CFAP77: variants seen among roughly 807,000 people sequenced by gnomAD.
CFAP77 encodes cilia and flagella associated protein 77.
A neutral mutation model predicts 31.1 loss-of-function variants in CFAP77; 25 were observed. The ratio of observed to expected loss-of-function variants is 0.80; its 90% CI spans 0.59 to 1.12. The LOEUF (loss-of-function observed/expected upper bound fraction) is 1.12. CFAP77 is among the 50% of genes most tolerant of loss of function. The pLI is 0.00. For synonymous variants in CFAP77, 151 were observed against 159.9 expected (o/e 0.94, Z 0.42); for missense variants, 377 against 397.3 (o/e 0.95, Z 0.44).
chr9:132,458,469 C>T (rs1444944189), intron 1 of CFAP77, among the ~76,000 whole-genome samples: 1 of 152,150 alleles, frequency 6.6e-6, no homozygotes, highest in Non-Finnish European at 1.5e-5. Flanking sequence ...TTCATCTTGC[C>T]TGTGTGGGCT....
At chr9:132,435,002 A>C (rs1048651866) in intron 1 of CFAP77, among the ~76,000 whole-genome samples, 1 of 152,228 alleles carries the variant, frequency 6.6e-6, no homozygotes, top group Non-Finnish European at 1.5e-5. Flanking sequence ...TTACGCTTGA[A>C]TTATACTTGA....
In CFAP77 at chr9:132,513,929, C is replaced by T. The variant is rs1230737837; in HGVS notation, c.524+14329C>T. Among the ~76,000 whole-genome samples the T allele has an allele frequency of 3.2e-5, 4 of 123,850 alleles. 1 individual carries two copies. The highest frequency in any genetic ancestry group is 1.2e-4 in the African/African-American group (4 of 32,470). The allele number at this position is 123,850 out of a possible 152,430, so 81.3% of individuals were successfully genotyped here. Reference sequence around the variant, plus strand: ...GGTGACTGTGAGGAGATGACCCTTCCCCTGTACCCCTGACCACAGATGACA... The same window carrying T: ...GGTGACTGTGAGGAGATGACCCTTCTCCTGTACCCCTGACCACAGATGACA... On this transcript the variant is annotated intron_variant, in intron 3 of 5. Coordinates refer to ENST00000393216, the MANE Select transcript of CFAP77 (RefSeq NM_001282957.2).
At chr9:132,513,446 C>T (rs752306745) in intron 3 of CFAP77, 36 of 1,383,558 alleles carry the variant, frequency 2.6e-5, no homozygotes, top group Non-Finnish European at 3.3e-5. Context: ...CTCAGCCCCT[C>T]CCCGTCTTCC....
intron 1 of CFAP77, among the ~76,000 whole-genome samples, chr9:132,486,649 C>T (rs1281592311): frequency 6.6e-6 from 1 of 152,256 alleles, no homozygotes; most frequent in Non-Finnish European, 1.5e-5. Context: ...CCCTCATTCC[C>T]CTAAACATGC....
intron 4 of CFAP77, among the ~76,000 whole-genome samples, chr9:132,542,237 C>A (rs1167509411): frequency 6.6e-6 from 1 of 152,240 alleles, no homozygotes; most frequent in Non-Finnish European, 1.5e-5. Flanking sequence ...CAAACCAGGG[C>A]CTCCAGCCCA....
intron 1 of CFAP77, among the ~76,000 whole-genome samples, chr9:132,419,545 T>C (rs1258682659): frequency 6.6e-6 from 1 of 152,238 alleles, no homozygotes; most frequent in Non-Finnish European, 1.5e-5. Context: ...GGCAGCTTTA[T>C]TAGTTAATTT....
chr9:132,572,009 G>A (rs940051418), intron 5 of CFAP77, among the ~76,000 whole-genome samples: 5 of 152,090 alleles, frequency 3.3e-5, no homozygotes, highest in African/African-American at 9.7e-5. Flanking sequence ...GCAAGGGAGT[G>A]CAGACAGGGT....
intron 3 of CFAP77, among the ~76,000 whole-genome samples, chr9:132,515,002 C>T (rs4962185): frequency 0.57 from 87,005 of 151,962 alleles, 25,540 homozygotes; most frequent in East Asian, 0.78. Flanking sequence ...ACAGAAGTGC[C>T]GGGGGCCAGC....
rs1182122185 is a variant in CFAP77 at position 132,543,026 on chromosome 9, G to C, written c.711G>C (p.Trp237Cys). 1.9e-6 allele frequency: 3 copies of C among 1,613,974 alleles called. No homozygotes were observed. The African/African-American group carries it at 4.0e-5, about 22-fold the overall frequency. Reference sequence around the variant, plus strand: ...CGCCCGTGAAGCTGGACACCCTCTGGCACATGCCTCACTTCCAGAAGGTCA... The same window carrying C: ...CGCCCGTGAAGCTGGACACCCTCTGCCACATGCCTCACTTCCAGAAGGTCA... ...YKPPVKLDTL[W>C]HMPHFQKVGR... Residue 237 changes from tryptophan to cysteine, a missense_variant, in exon 5 of 6, where the codon TGG (tryptophan) becomes TGC (cysteine). Trp to Cys is a radical substitution (Grantham distance 215). Transcript: ENST00000393216.
rs1449011029 is a variant in CFAP77 at position 132,455,084 on chromosome 9, C to G, written c.196-43611C>G. Among the ~76,000 whole-genome samples, 1 of 152,208 alleles carries G rather than the reference C, an allele frequency of 6.6e-6. No individual in the cohort carries two copies. The highest frequency in any genetic ancestry group is 1.5e-5 in the Non-Finnish European group (1 of 68,044). ...AGTCCATGGGAAGGCCCAGTGATATCTTGTGAAGTTTGTTCTACTCGCAGA... is the reference window on the plus strand; with the variant it reads ...AGTCCATGGGAAGGCCCAGTGATATGTTGTGAAGTTTGTTCTACTCGCAGA... On this transcript the variant is annotated intron_variant, in intron 1 of 5. Coordinates refer to ENST00000393216, the MANE Select transcript of CFAP77 (RefSeq NM_001282957.2). This position sits in a 1 kb window ranked among gnomAD's most constrained non-coding sequence, Gnocchi z 4.1.
At chr9:132,536,756 G>A (rs1485905179) in intron 3 of CFAP77, among the ~76,000 whole-genome samples, 1 of 152,166 alleles carries the variant, frequency 6.6e-6, no homozygotes, top group East Asian at 1.9e-4. Context: ...CTCTCAACCT[G>A]TTTAGAGATT....
chr9:132,561,996 C>T (rs1589927548), intron 5 of CFAP77, among the ~76,000 whole-genome samples: 1 of 152,362 alleles, frequency 6.6e-6, no homozygotes, highest in East Asian at 1.9e-4. Context: ...GATATTTTCT[C>T]AGGCATGGAG....
rs192862542 is a variant in CFAP77, at chr9:132,562,633, C to G, written c.733-9755C>G. ...TAAAAATGTTCTACATCCACCTGTCCACTGCAGTAGCCACTGGCCACTCAG... is the reference window on the plus strand; with the variant it reads ...TAAAAATGTTCTACATCCACCTGTCGACTGCAGTAGCCACTGGCCACTCAG... On this transcript the variant is annotated intron_variant, in intron 5 of 5. Coordinates refer to ENST00000393216, the MANE Select transcript of CFAP77 (RefSeq NM_001282957.2). Among the ~76,000 whole-genome samples, 365 of 152,248 alleles carry G rather than the reference C, an allele frequency of 2.4e-3. 1 individual carries two copies. Among genetic ancestry groups the G allele is most frequent in the African/African-American group, 7.8e-3 (326 of 41,550 alleles).
chr9:132,491,019 G>A (rs1260254488), intron 1 of CFAP77, among the ~76,000 whole-genome samples: 1 of 152,142 alleles, frequency 6.6e-6, no homozygotes, highest in African/African-American at 2.4e-5. Context: ...GTGTGTGGGT[G>A]CGCCCTGCGA....
intron 1 of CFAP77, among the ~76,000 whole-genome samples, chr9:132,418,580 G>A (rs1850150362): frequency 6.6e-6 from 1 of 152,150 alleles, no homozygotes; most frequent in Non-Finnish European, 1.5e-5. Flanking sequence ...CCCCGCCTTT[G>A]AATCCGTTTC....
At chr9:132,433,324 C>G (rs1255009730) in intron 1 of CFAP77, among the ~76,000 whole-genome samples, 1 of 152,184 alleles carries the variant, frequency 6.6e-6, no homozygotes, top group Non-Finnish European at 1.5e-5. Flanking sequence ...GCCAGCCGTA[C>G]TCGTGTGTGA....
At chr9:132,431,968 A>C (rs1426731991) in intron 1 of CFAP77, among the ~76,000 whole-genome samples, 1 of 152,176 alleles carries the variant, frequency 6.6e-6, no homozygotes, top group African/African-American at 2.4e-5. Context: ...ACTCCTGGCT[A>C]TTCAAACGAG....
chr9:132,468,429 A>T (rs760743591), intron 1 of CFAP77, among the ~76,000 whole-genome samples: 2 of 152,150 alleles, frequency 1.3e-5, no homozygotes, highest in African/African-American at 2.4e-5. Context: ...CTCCAGCCTC[A>T]TTCCAGGATG....
At chr9:132,555,723 G>A (rs1288097201) in intron 5 of CFAP77, among the ~76,000 whole-genome samples, 2 of 152,078 alleles carry the variant, frequency 1.3e-5, no homozygotes, top group Non-Finnish European at 2.9e-5. Context: ...ATCAGCTGAC[G>A]TGCCTCCCGC....
Sources: gnomAD v4.1 joint callset for allele counts (sites outside exome capture counted in the v4.1 genomes callset) on GRCh38, gnomAD v4.1.1 for gene constraint, Gnocchi (gnomAD v3.1) non-coding constraint, MANE v1.5 for transcripts, NCBI Gene and HGNC (gene_info 2026-07-23, HGNC 2026-07-21) for gene names.